SETD3: variants seen among roughly 807,000 people sequenced by gnomAD.
The protein encoded by SETD3 is actin-histidine N-methyltransferase.
Under a neutral mutation model 63.0 loss-of-function variants are expected in SETD3, and 19 were observed. The observed-to-expected ratio is 0.30, with a 90% CI of 0.21 to 0.44. The LOEUF (loss-of-function observed/expected upper bound fraction) is 0.44, where lower values mean the gene tolerates loss of function less well. SETD3 is among the 20% of genes least tolerant of loss of function. The pLI, the probability that SETD3 is intolerant of heterozygous loss-of-function variation, is 1.00. For missense variants in SETD3, 587 were observed against 728.5 expected (o/e 0.81, Z 2.24); for synonymous variants, 286 against 264.1 (o/e 1.08, Z -0.80).
chr14:99,410,359 A>AT (rs1032812314), intron 8 of SETD3: 1,065 of 1,167,590 alleles, frequency 9.1e-4, no homozygotes, highest in South Asian at 9.7e-4. Flanking sequence ...AATGTTTTAG[A>AT]TTTTTTTTTC....
At chr14:99,446,684 T>C (rs1207477483) in intron 6 of SETD3, among the ~76,000 whole-genome samples, 1 of 152,080 alleles carries the variant, frequency 6.6e-6, no homozygotes, top group East Asian at 1.9e-4. Context: ...ACACTTTTCC[T>C]AAAAGGGCCA....
intron 6 of SETD3, among the ~76,000 whole-genome samples, chr14:99,425,780 T>C (rs1455889970): frequency 6.6e-6 from 1 of 152,174 alleles, no homozygotes; most frequent in African/African-American, 2.4e-5. Flanking sequence ...GAGAATCTCT[T>C]CTTAAGCACT....
At chr14:99,455,319 G>A (rs950052846) in intron 6 of SETD3, among the ~76,000 whole-genome samples, 5 of 152,186 alleles carry the variant, frequency 3.3e-5, no homozygotes, top group Non-Finnish European at 5.9e-5. Context: ...TTTTCAACAT[G>A]CAATGCCAAG....
intron 6 of SETD3, among the ~76,000 whole-genome samples, chr14:99,457,502 C>G (rs1418154884): frequency 1.3e-5 from 2 of 152,156 alleles, no homozygotes; most frequent in African/African-American, 4.8e-5. Context: ...CAAATCAAAC[C>G]TAATTCAGGT....
intron 8 of SETD3, among the ~76,000 whole-genome samples, chr14:99,410,521 C>CT (rs1891928839): frequency 1.3e-5 from 2 of 152,158 alleles, no homozygotes; most frequent in Non-Finnish European, 2.9e-5. Context: ...ATACCACTGT[C>CT]TAACAGTCAC....
chr14:99,445,968 G>A lies in SETD3; in HGVS notation c.675+12311C>T, dbSNP rs1894105492. 7.9e-5 allele frequency among the ~76,000 whole-genome samples: 12 copies of A among 152,166 alleles called. 1 individual carries two copies. Among genetic ancestry groups the A allele is most frequent in the Admixed American group, 7.9e-4 (12 of 15,274 alleles). ...TGATCAGACTCATAGGGAGGGCCCA[G>A]GACAAGTAAAGCTGGGACTGGAGTT... is the stretch of plus-strand genomic sequence containing the variant. On this transcript the variant is annotated intron_variant, in intron 6 of 12. Coordinates refer to ENST00000331768, the MANE Select transcript of SETD3 (RefSeq NM_032233.3).
intron 1 of SETD3, among the ~76,000 whole-genome samples, chr14:99,477,580 C>T (rs970310705): frequency 1.3e-5 from 2 of 151,944 alleles, no homozygotes; most frequent in African/African-American, 2.4e-5. Flanking sequence ...CATGGAGAAA[C>T]CCTTTCTCTA....
intron 6 of SETD3, among the ~76,000 whole-genome samples, chr14:99,452,200 G>A (rs545399311): frequency 4.5e-4 from 68 of 152,228 alleles, no homozygotes; most frequent in Admixed American, 3.7e-3. Flanking sequence ...TCTGCCTCCC[G>A]GGTTCAAGCA....
At chr14:99,475,373 G>A (rs747725270) in intron 1 of SETD3, among the ~76,000 whole-genome samples, 1 of 152,266 alleles carries the variant, frequency 6.6e-6, no homozygotes, top group African/African-American at 2.4e-5. Flanking sequence ...GAGAGAGCGT[G>A]TTATTCCTGA....
chr14:99,438,642 T>C (rs1158403007), intron 6 of SETD3, among the ~76,000 whole-genome samples: 1 of 152,230 alleles, frequency 6.6e-6, no homozygotes, highest in Non-Finnish European at 1.5e-5. Context: ...CAGGTACTTC[T>C]CGGATTCACC....
chr14:99,447,054 C>T (rs930757042), intron 6 of SETD3, among the ~76,000 whole-genome samples: 1 of 151,770 alleles, frequency 6.6e-6, no homozygotes, highest in Non-Finnish European at 1.5e-5. Flanking sequence ...CTCACTGCAA[C>T]TCTGCCTCCC....
At chr14:99,412,259 A>ACAG (rs1267316913) in intron 8 of SETD3, 6 of 152,738 alleles carry the variant, frequency 3.9e-5, no homozygotes, top group African/African-American at 1.4e-4. Flanking sequence ...ATGTGGAGAA[A>ACAG]CAGAGCCTGC....
intron 6 of SETD3, among the ~76,000 whole-genome samples, chr14:99,439,358 T>G (rs1893661273): frequency 6.6e-6 from 1 of 152,224 alleles, no homozygotes; most frequent in African/African-American, 2.4e-5. Context: ...ATCACCTGAC[T>G]GCCCCAAGCT....
chr14:99,479,431 G>A (rs933726709), intron 1 of SETD3, among the ~76,000 whole-genome samples: 4 of 152,210 alleles, frequency 2.6e-5, no homozygotes, highest in South Asian at 4.1e-4. Flanking sequence ...CATACAGCAA[G>A]GTTCAAGCAA....
In SETD3 at chr14:99,398,453, G is replaced by C. The variant is rs747347789; in HGVS notation, c.*226C>G. ...AGGCACCTCTTCTCCCTTTCTTGTGGTTGTTTGTTAATTGGTTTGTTTTGC... is the reference window on the plus strand; with the variant it reads ...AGGCACCTCTTCTCCCTTTCTTGTGCTTGTTTGTTAATTGGTTTGTTTTGC... On this transcript the variant is annotated 3_prime_UTR_variant, in exon 13 of 13. Coordinates refer to ENST00000331768, the MANE Select transcript of SETD3 (RefSeq NM_032233.3). The C allele has an allele frequency of 1.9e-6, 1 of 532,688 alleles. No individual in the cohort carries two copies. Among genetic ancestry groups the C allele is most frequent in the Non-Finnish European group, 3.3e-6 (1 of 302,470 alleles). 33.0% of individuals were successfully genotyped at this position (532,688 alleles called of 1,614,324 possible).
In SETD3 at chr14:99,429,696, C is replaced by G. The variant is rs147754893; in HGVS notation, c.676-15762G>C. Among the ~76,000 whole-genome samples the G allele has an allele frequency of 5.8e-3, 881 of 152,226 alleles. 9 individuals are homozygous for G. The highest frequency in any genetic ancestry group is 0.02 in the African/African-American group (845 of 41,536). ...TTCTTTGAAACATGTGCTCTGTACT[C>G]CAGACAGACACTGGCTAGTTAAAAC... is the stretch of plus-strand genomic sequence containing the variant. On this transcript the variant is annotated intron_variant, in intron 6 of 12. Transcript: ENST00000331768.
At chr14:99,421,802 A>C (rs1294863955) in intron 6 of SETD3, among the ~76,000 whole-genome samples, 2 of 152,208 alleles carry the variant, frequency 1.3e-5, no homozygotes, top group Non-Finnish European at 2.9e-5. Context: ...CAGTTAATAA[A>C]TGATGAGGCT....
chr14:99,436,089 C>T (rs1893464502), intron 6 of SETD3, among the ~76,000 whole-genome samples: 1 of 152,098 alleles, frequency 6.6e-6, no homozygotes, highest in South Asian at 2.1e-4. Flanking sequence ...ATAAAACCAT[C>T]AGACCTTGTA....
intron 6 of SETD3, among the ~76,000 whole-genome samples, chr14:99,423,701 A>G (rs777326257): frequency 2.0e-5 from 3 of 151,756 alleles, no homozygotes; most frequent in South Asian, 4.2e-4. Flanking sequence ...CAGTACTTCC[A>G]TAAGTACTGT....
Sources: gnomAD v4.1 joint callset for allele counts (sites outside exome capture counted in the v4.1 genomes callset) on GRCh38, gnomAD v4.1.1 for gene constraint, MANE v1.5 for transcripts, NCBI Gene and HGNC (gene_info 2026-07-23, HGNC 2026-07-21) for gene names.